TMEM258: variants seen among roughly 807,000 people sequenced by gnomAD.
The protein encoded by TMEM258 is dolichyl-diphosphooligosaccharide--protein glycosyltransferase subunit TMEM258.
In TMEM258, 11 loss-of-function variants were observed where a neutral mutation model predicts 9.9. That is an observed-to-expected ratio of 1.11 (90% CI 0.70 to 1.85). The LOEUF is 1.85. Ranked by LOEUF, TMEM258 falls within the 40% of genes most tolerant of loss-of-function variation. The probability of loss-of-function intolerance (pLI) is 0.00; values close to 1 mark genes in which losing one functional copy is unlikely to be tolerated. For synonymous variants in TMEM258, 40 were observed against 39.1 expected (o/e 1.02, Z -0.09); for missense variants, 81 against 99.7 (o/e 0.81, Z 0.80).
Position 61,790,570 on chromosome 11 carries a change from T to C in TMEM258, c.36A>G (p.Pro12=). The part of the protein sequence containing the change: ...ELEAMSRYTS[P]VNPAVFPHLT... ...GATGGGGGAAGACAGCTGGGTTCAC[T>C]GGGCTGGTATATCTGCTCATGGCCT... Residue 12 remains proline, a synonymous_variant, in exon 2 of 4, where the codon CCA becomes CCG. Transcript: ENST00000537328. The C allele has an allele frequency of 6.2e-7, 1 of 1,614,106 alleles. No individual in the cohort carries two copies. The highest frequency in any genetic ancestry group is 8.5e-7 in the Non-Finnish European group (1 of 1,180,004).
At chr11:61,792,476 T>C (rs1177405524) in intron 1 of TMEM258, 80 bp downstream of exon 1, 1 of 1,594,534 alleles carries the variant, frequency 6.3e-7, no homozygotes, top group Non-Finnish European at 8.6e-7. Flanking sequence ...ATCTCCGGCG[T>C]CTGAGGAGAT....
At chr11:61,790,203 C>A in intron 2 of TMEM258, 1 of 567,896 alleles carries the variant, frequency 1.8e-6, no homozygotes. Context: ...CCTGAGTGCA[C>A]CCTTCCTTAT....
At chr11:61,790,161 G>A (rs568932910) in intron 2 of TMEM258, 39 of 580,234 alleles carry the variant, frequency 6.7e-5, no homozygotes, top group Non-Finnish European at 9.3e-5. Context: ...CATGAGGGCC[G>A]GAGCTGGGAC....
At chr11:61,792,369 C>A (rs947736324) in intron 1 of TMEM258, 187 bp downstream of exon 1, 4 of 721,590 alleles carry the variant, frequency 5.5e-6, no homozygotes, top group Non-Finnish European at 7.0e-6. Context: ...CCTTAGAAAT[C>A]GCGAGCTGAG....
chr11:61,789,944 A>T, intron 2 of TMEM258, 23 bp from the exon 3 acceptor site: 2 of 1,608,960 alleles, frequency 1.2e-6, no homozygotes, highest in Non-Finnish European at 1.7e-6. Flanking sequence ...GTTAAGGCAA[A>T]GCGAAGGGGT....
rs1457124313 is a variant in TMEM258 at position 61,790,551 on chromosome 11, G to A, written c.55C>T (p.Pro19Ser). Residue 19 changes from proline to serine, a missense_variant, in exon 2 of 4, where the codon CCC becomes TCC. Coordinates refer to ENST00000537328, the MANE Select transcript of TMEM258 (RefSeq NM_014206.4). ...GCCAAAAGCACCACGGTCAGATGGG[G>A]GAAGACAGCTGGGTTCACTGGGCTG... ...YTSPVNPAVFPHLTVVLLAIG... is the reference protein window; with the variant it reads ...YTSPVNPAVFSHLTVVLLAIG... 10 of 1,614,026 alleles carry A rather than the reference G, an allele frequency of 6.2e-6. No homozygotes were observed. The highest frequency in any genetic ancestry group is 7.6e-6 in the Non-Finnish European group (9 of 1,180,014).
At chr11:61,790,953 G>T (rs1172816185) in intron 1 of TMEM258, among the ~76,000 whole-genome samples, 4 of 150,422 alleles carry the variant, frequency 2.7e-5, no homozygotes, top group Non-Finnish European at 4.4e-5. Context: ...TTTTTTTTTT[G>T]ACGGAGTCTC....
intron 2 of TMEM258, 162 bp downstream of exon 2, chr11:61,790,331 T>C (rs102275): frequency 0.39 from 266,451 of 685,048 alleles, 57,910 homozygotes; most frequent in African/African-American, 0.66. Context: ...GAAATAAGGC[T>C]ATAACCTGCC....
intron 1 of TMEM258, chr11:61,792,227 T>C: frequency 5.1e-6 from 2 of 394,286 alleles, no homozygotes; most frequent in Non-Finnish European, 9.5e-6. Context: ...GCTTCACCAA[T>C]AAACATTTGC....
intron 2 of TMEM258, 64 bp from the exon 3 acceptor site, chr11:61,789,985 G>A (rs961626479): frequency 5.5e-5 from 85 of 1,548,708 alleles, no homozygotes; most frequent in Non-Finnish European, 6.5e-5. Context: ...CCCAGCCCAC[G>A]GCAATCTGAG....
At chr11:61,790,850 A>T (rs2066778861) in intron 1 of TMEM258, among the ~76,000 whole-genome samples, 1 of 152,136 alleles carries the variant, frequency 6.6e-6, no homozygotes, top group Non-Finnish European at 1.5e-5. Context: ...GTTTGCCTAC[A>T]ATTTCCGGAG....
At chr11:61,790,906 A>G (rs941354492) in intron 1 of TMEM258, among the ~76,000 whole-genome samples, 2 of 152,130 alleles carry the variant, frequency 1.3e-5, no homozygotes, top group African/African-American at 4.8e-5. Flanking sequence ...AACCCCCGCT[A>G]TAAGTCACTG....
At chr11:61,791,014 C>T (rs554097668) in intron 1 of TMEM258, among the ~76,000 whole-genome samples, 3 of 152,068 alleles carry the variant, frequency 2.0e-5, no homozygotes, top group South Asian at 2.1e-4. Flanking sequence ...GGCAGTGGCA[C>T]GATCTCGGCT....
chr11:61,789,602 C>T (rs866962491), intron 3 of TMEM258, 183 bp downstream of exon 3: 10 of 678,014 alleles, frequency 1.5e-5, no homozygotes, highest in South Asian at 2.2e-5. Context: ...GGCTCAAATC[C>T]GTATGAGGGG....
intron 3 of TMEM258, among the ~76,000 whole-genome samples, 185 bp from the exon 4 acceptor site, chr11:61,789,420 AC>A (rs1421196573): frequency 6.6e-6 from 1 of 151,740 alleles, no homozygotes; most frequent in South Asian, 2.1e-4. Context: ...CTGGATCTTG[AC>A]CCCCTTTCAG....
Position 61,789,819 on chromosome 11 carries a change from C to T in TMEM258, c.216G>A (p.Leu72=). The T allele has an allele frequency of 6.2e-7, 1 of 1,613,430 alleles. No homozygotes were observed. The highest frequency in any genetic ancestry group is 8.5e-7 in the Non-Finnish European group (1 of 1,179,710). The change falls in exon 3 of 4, where the codon CTG becomes CTA. Residue 72 remains leucine (L), a synonymous_variant. Coordinates refer to ENST00000537328, the MANE Select transcript of TMEM258 (RefSeq NM_014206.4). ...CTCACACGTAGATGCCAACCCAGAG[C>T]AGCAGGAAGAGGACTCCAAAGCCCA... The part of the protein sequence containing the change: ...LFMGFGVLFL[L]LWVGIYV
intron 3 of TMEM258, 86 bp downstream of exon 3, chr11:61,789,699 T>C: frequency 6.9e-7 from 1 of 1,454,528 alleles, no homozygotes. Context: ...GGTAAGAGCT[T>C]TAAGGACCCT....
chr11:61,792,528 C>T, intron 1 of TMEM258, 28 bp downstream of exon 1: 3 of 1,613,972 alleles, frequency 1.9e-6, no homozygotes, highest in East Asian at 2.2e-5. Flanking sequence ...CTCGCATCTC[C>T]GTCTGGAACT....
chr11:61,790,005 AT>A, intron 2 of TMEM258, 84 bp from the exon 3 acceptor site: 1 of 1,507,254 alleles, frequency 6.6e-7, no homozygotes, highest in Non-Finnish European at 8.9e-7. Context: ...GGAGAAAAGC[AT>A]TGGCTCAATG....
Sources: allele counts gnomAD v4.1 joint callset (sites outside exome capture counted in the v4.1 genomes callset), GRCh38; gene constraint gnomAD v4.1.1; transcripts MANE v1.5; gene names NCBI Gene and HGNC (gene_info 2026-07-23, HGNC 2026-07-21).